Variants in WHRN observed in about 807,000 individuals in gnomAD.
The protein encoded by WHRN is whirlin.
WHRN carries 41 observed loss-of-function variants against 68.3 expected under a neutral mutation model. The ratio of observed to expected loss-of-function variants is 0.60; its 90% CI spans 0.47 to 0.78. WHRN has a LOEUF of 0.78. WHRN is among the 30% of genes least tolerant of loss of function. The pLI, the probability that WHRN is intolerant of heterozygous loss-of-function variation, is 0.00. For synonymous variants in WHRN, 560 were observed against 561.3 expected, an observed-to-expected ratio of 1.00 and a Z score of 0.03; for missense variants, 1,243 against 1,244.7, an observed-to-expected ratio of 1.00 and a Z score of 0.02.
chr9:114,486,975 A>AT (rs1842584489), intron 1 of WHRN, among the ~76,000 whole-genome samples: 9 of 1,804 alleles, frequency 5.0e-3, no homozygotes, highest in Admixed American at 0.031. Context: ...ATATATATAT[A>AT]TATATATATA....
chr9:114,425,151 C>T (rs1248795928), intron 4 of WHRN, 127 bp from the exon 5 acceptor site: 4 of 942,948 alleles, frequency 4.2e-6, no homozygotes, highest in Admixed American at 3.4e-5. Context: ...GGCCTCCACT[C>T]GCTGCCAGTT....
At chr9:114,438,012 C>A (rs1218883196) in intron 3 of WHRN, among the ~76,000 whole-genome samples, 1 of 152,174 alleles carries the variant, frequency 6.6e-6, no homozygotes, top group Non-Finnish European at 1.5e-5. Context: ...AGATGTTCAA[C>A]TTCACCCATA....
In WHRN at chr9:114,406,594, T is replaced by A. The variant is rs1168673666; in HGVS notation, c.1997A>T (p.Asp666Val). The A allele has an allele frequency of 6.2e-7, 1 of 1,610,520 alleles. No individual in the cohort carries two copies. The highest frequency in any genetic ancestry group is 8.5e-7 in the Non-Finnish European group (1 of 1,177,568). ...TTGGTTGACCAGGGCCAGATGGGCGTCCAGCGGCCTCTTGGAGCTGGGGTT... is the reference window on the plus strand; with the variant it reads ...TTGGTTGACCAGGGCCAGATGGGCGACCAGCGGCCTCTTGGAGCTGGGGTT... ...PANPSSKRPL[D>V]AHLALVNQHP... Residue 666 changes from aspartate (D) to valine (V), a missense_variant, in exon 9 of 12, where the codon GAC becomes GTC. Transcript: ENST00000362057.
chr9:114,503,216 G>T (rs1160772435), intron 1 of WHRN: 1 of 985,234 alleles, frequency 1.0e-6, no homozygotes, highest in Non-Finnish European at 1.2e-6. Context: ...AAACACCTGC[G>T]CTGGCGGGGA....
intron 7 of WHRN, among the ~76,000 whole-genome samples, chr9:114,411,198 T>C (rs1835412086): frequency 1.3e-5 from 2 of 152,132 alleles, no homozygotes; most frequent in African/African-American, 4.8e-5. Flanking sequence ...GGCAGCCCTC[T>C]CACACCACCT....
intron 3 of WHRN, among the ~76,000 whole-genome samples, chr9:114,427,800 G>A (rs1458591391): frequency 1.3e-5 from 2 of 152,152 alleles, no homozygotes; most frequent in African/African-American, 2.4e-5. Context: ...GAGGCTTGCT[G>A]CCTCTGCCTC....
At chr9:114,458,321 A>G (rs1839976548) in intron 3 of WHRN, among the ~76,000 whole-genome samples, 1 of 152,164 alleles carries the variant, frequency 6.6e-6, no homozygotes, top group Non-Finnish European at 1.5e-5. Context: ...TCTCTAATTT[A>G]TAAGATTTTG....
rs76326174 is a variant in WHRN, at chr9:114,485,699, A to T, written c.619-6928T>A. ...AGAGCGAGACTCCGTCTCTAAATAA[A>T]TAAGTATATAAATATCAATTGTTGC... On this transcript the variant is annotated intron_variant, in intron 1 of 11. Coordinates refer to ENST00000362057, the MANE Select transcript of WHRN (RefSeq NM_015404.4). 3.5e-4 allele frequency among the ~76,000 whole-genome samples: 51 copies of T among 144,342 alleles called. 1 individual carries two copies. The East Asian group carries it at 0.01, about 30-fold the overall frequency. 94.7% of individuals were successfully genotyped at this position (144,342 alleles called of 152,430 possible).
intron 7 of WHRN, among the ~76,000 whole-genome samples, chr9:114,417,144 C>G (rs1382818063): frequency 6.6e-6 from 1 of 152,196 alleles, no homozygotes; most frequent in Non-Finnish European, 1.5e-5. Flanking sequence ...AATGGAAAAT[C>G]AACACAGTTT....
chr9:114,425,586 GACACACACACACACACACACAC>G (rs148103230), intron 4 of WHRN: 2 of 154,110 alleles, frequency 1.3e-5, no homozygotes, highest in Non-Finnish European at 2.7e-5. Context: ...GGAAGGGGGA[GACACACACACACACACACACAC>G]ACACACACAC....
rs765151960 is a variant in WHRN, at chr9:114,406,889, C to T, written c.1702G>A (p.Asp568Asn). 1 of 1,571,564 alleles carries T rather than the reference C, an allele frequency of 6.4e-7. No individual in the cohort carries two copies. Among genetic ancestry groups the T allele is most frequent in the African/African-American group, 1.4e-5 (1 of 73,904 alleles). Residue 568 changes from aspartate to asparagine, a missense_variant, in exon 9 of 12, where the codon GAT becomes AAT. Asp to Asn is a conservative substitution (Grantham distance 23). Transcript: ENST00000362057. ...INALPDVSVD[D>N]VRSTSQGLSS... is the part of the protein sequence containing the mutation. ...AGCCCCTGGGAGGTGGATCTGACAT[C>T]ATCCTGCCAAAAGACCCAACAGGCG...
intron 1 of WHRN, among the ~76,000 whole-genome samples, chr9:114,502,827 T>C (rs1844044388): frequency 6.6e-6 from 1 of 152,186 alleles, no homozygotes. Flanking sequence ...CTCCAGACCA[T>C]TTAAGGCCAA....
intron 3 of WHRN, among the ~76,000 whole-genome samples, chr9:114,459,840 C>T (rs1840103121): frequency 6.6e-6 from 1 of 152,172 alleles, no homozygotes; most frequent in Non-Finnish European, 1.5e-5. Context: ...CCTTATTAAA[C>T]AAATATTATA....
At chr9:114,483,982 G>C (rs1226014726) in intron 1 of WHRN, among the ~76,000 whole-genome samples, 1 of 152,198 alleles carries the variant, frequency 6.6e-6, no homozygotes, top group Non-Finnish European at 1.5e-5. Context: ...CTGGAAAACT[G>C]TCCTCAGTTT....
intron 3 of WHRN, among the ~76,000 whole-genome samples, chr9:114,442,998 A>G (rs1589146696): frequency 6.6e-6 from 1 of 152,260 alleles, no homozygotes; most frequent in African/African-American, 2.4e-5. Flanking sequence ...GAGGAGTATC[A>G]GACATCAGAA....
At chr9:114,499,827 A>G (rs907900856) in intron 1 of WHRN, among the ~76,000 whole-genome samples, 2 of 152,372 alleles carry the variant, frequency 1.3e-5, no homozygotes, top group Admixed American at 1.3e-4. Context: ...GCTCCAACCA[A>G]CTGATGAATT....
intron 7 of WHRN, among the ~76,000 whole-genome samples, chr9:114,416,202 C>T (rs1295869069): frequency 2.6e-5 from 4 of 152,190 alleles, no homozygotes; most frequent in Admixed American, 2.6e-4. Context: ...GGCTGGAGCA[C>T]AAACTCTCTC....
At chr9:114,503,805 CA>C (rs1844143398) in intron 1 of WHRN, 5 of 244,568 alleles carry the variant, frequency 2.0e-5, no homozygotes, top group Non-Finnish European at 4.0e-5. Context: ...AAACAAAAAA[CA>C]AAAAACCACA....
At chr9:114,435,418 G>A (rs1299198124) in intron 3 of WHRN, among the ~76,000 whole-genome samples, 1 of 152,224 alleles carries the variant, frequency 6.6e-6, no homozygotes, top group Non-Finnish European at 1.5e-5. Flanking sequence ...ATGTAGGGAG[G>A]CTGGGTACAT....
Sources: gnomAD v4.1 joint callset for allele counts (sites outside exome capture counted in the v4.1 genomes callset) on GRCh38, gnomAD v4.1.1 for gene constraint, MANE v1.5 for transcripts, NCBI Gene and HGNC (gene_info 2026-07-23, HGNC 2026-07-21) for gene names.